The following SNX29 variants were observed in gnomAD, a reference collection of about 807,000 sequenced individuals.
The protein encoded by SNX29 is sorting nexin-29.
Under a neutral mutation model 102.1 loss-of-function variants are expected in SNX29, and 78 were observed. The observed-to-expected ratio is 0.76, with a 90% CI of 0.64 to 0.92. The LOEUF is 0.92. SNX29 is among the 40% of genes least tolerant of loss of function. The pLI is 0.00. For synonymous variants in SNX29, 580 were observed against 414.5 expected, an observed-to-expected ratio of 1.40 and a Z score of -4.85; for missense variants, 1,280 against 1,061.7, an observed-to-expected ratio of 1.21 and a Z score of -2.86.
chr16:12,539,729 A>G (rs750765371), intron 20 of SNX29, among the ~76,000 whole-genome samples: 3 of 152,246 alleles, frequency 2.0e-5, no homozygotes, highest in African/African-American at 7.2e-5. Context: ...GTGGCTGTTC[A>G]CAAGGATGCA....
At chr16:11,982,424 T>G (rs2055439704) in intron 1 of SNX29, among the ~76,000 whole-genome samples, 1 of 6,188 alleles carries the variant, frequency 1.6e-4, no homozygotes, top group African/African-American at 2.1e-4. Flanking sequence ...TTTCCATCAG[T>G]TTTTTTTTTT....
In SNX29 at chr16:12,572,560, C is replaced by G. The variant is rs143993911; in HGVS notation, c.*3931C>G. 9.4e-6 allele frequency: 10 copies of G among 1,063,812 alleles called. No homozygotes were observed. The highest frequency in any genetic ancestry group is 1.1e-4 in the Admixed American group (2 of 18,716). The allele number at this position is 1,063,812 out of a possible 1,614,324, so 65.9% of individuals were successfully genotyped here. A position where few individuals can be genotyped will look rare whatever the true frequency, so the allele number is the denominator to read the frequency against. On this transcript the variant is annotated 3_prime_UTR_variant, in exon 21 of 21. Transcript: ENST00000566228. ...GGCTGCGACACCATCTGGCTCCTCA[C>G]AGGGAGGTCCAGCCATGTTCTCTGG...
chr16:12,570,156 G>A lies in SNX29; in HGVS notation c.*1527G>A, dbSNP rs1474983794. ...GGAAGGCTGAGATCACTCACACACAGCGCCCCCCCACCCCAGAGAAACCGA... is the reference window on the plus strand; with the variant it reads ...GGAAGGCTGAGATCACTCACACACAACGCCCCCCCACCCCAGAGAAACCGA... On this transcript the variant is annotated 3_prime_UTR_variant, in exon 21 of 21. Transcript: ENST00000566228. 8.5e-6 allele frequency: 9 copies of A among 1,064,698 alleles called. No individual in the cohort carries two copies. In the Admixed American group the frequency reaches 3.7e-4, roughly 44 times the overall value. The allele number at this position is 1,064,698 out of a possible 1,614,324, so 66.0% of individuals were successfully genotyped here.
At chr16:12,358,907 T>TCC (rs2082222680) in intron 16 of SNX29, among the ~76,000 whole-genome samples, 1 of 152,258 alleles carries the variant, frequency 6.6e-6, no homozygotes, top group Admixed American at 6.5e-5. Flanking sequence ...CCGCACCGCT[T>TCC]CCCATACCTT....
Position 12,447,635 on chromosome 16 carries a change from C to A in SNX29, c.2038-30084C>A, listed in dbSNP as rs540529074. On this transcript the variant is annotated intron_variant, in intron 18 of 20. Transcript: ENST00000566228. ...TGCTGTGAGACCCGAATGGTGGAAA[C>A]CAGTTGGCTGAGGGGACTAATTGGA... Among the ~76,000 whole-genome samples the A allele has an allele frequency of 2.0e-5, 3 of 152,332 alleles. No individual in the cohort carries two copies. In the South Asian group the frequency reaches 6.2e-4, roughly 32 times the overall value.
At chr16:12,212,029 C>A (rs2077198459) in intron 14 of SNX29, among the ~76,000 whole-genome samples, 1 of 152,062 alleles carries the variant, frequency 6.6e-6, no homozygotes, top group Admixed American at 6.5e-5. Context: ...TAAACCCATG[C>A]TTTCCCCAGT....
intron 1 of SNX29, among the ~76,000 whole-genome samples, chr16:11,982,030 T>G (rs1439172904): frequency 6.0e-5 from 9 of 148,988 alleles, no homozygotes; most frequent in Admixed American, 5.4e-4. Context: ...CATAACGAGA[T>G]CTCATCTCAA....
intron 15 of SNX29, among the ~76,000 whole-genome samples, chr16:12,341,800 G>A (rs2081618307): frequency 6.6e-6 from 1 of 152,332 alleles, no homozygotes; most frequent in Middle Eastern, 3.4e-3. Flanking sequence ...GTGCAGAGGG[G>A]GCTGGGAAGC....
chr16:12,563,282 G>A (rs1048802369), intron 20 of SNX29, among the ~76,000 whole-genome samples: 1 of 152,102 alleles, frequency 6.6e-6, no homozygotes, highest in Non-Finnish European at 1.5e-5. Flanking sequence ...GTCGGGTTCT[G>A]GATCCACAGC....
intron 15 of SNX29, among the ~76,000 whole-genome samples, chr16:12,284,197 C>G (rs1221295245): frequency 1.3e-5 from 2 of 152,218 alleles, no homozygotes; most frequent in Non-Finnish European, 2.9e-5. Context: ...CCTTCTGCAG[C>G]CTGGTGACTT....
At chr16:12,152,377 T>C (rs1346702475) in intron 13 of SNX29, among the ~76,000 whole-genome samples, 1 of 152,226 alleles carries the variant, frequency 6.6e-6, no homozygotes, top group African/African-American at 2.4e-5. Context: ...ATTGGGAAGA[T>C]GGGACACCTG....
At chr16:12,383,772 CTTTTTTT>C (rs58531196) in intron 16 of SNX29, among the ~76,000 whole-genome samples, 45 of 105,962 alleles carry the variant, frequency 4.2e-4, no homozygotes, top group East Asian at 1.1e-3. Context: ...CGTCAACTTT[CTTTTTTT>C]TTTTTTTTTT....
chr16:12,426,974 T>G (rs1243777766), intron 18 of SNX29, among the ~76,000 whole-genome samples: 1 of 152,210 alleles, frequency 6.6e-6, no homozygotes, highest in Admixed American at 6.5e-5. Context: ...GCCAGTATTG[T>G]AGATCTAATA....
At chr16:11,977,498 C>T (rs938930658) in intron 1 of SNX29, 1 of 152,440 alleles carries the variant, frequency 6.6e-6, no homozygotes, top group African/African-American at 2.4e-5. Flanking sequence ...CCATCCTTGT[C>T]CATGTCTTAT....
Position 12,319,783 on chromosome 16 carries a change from C to A in SNX29, c.1783-36380C>A, listed in dbSNP as rs370977721. Among the ~76,000 whole-genome samples, 166 of 152,244 alleles carry A rather than the reference C, an allele frequency of 1.1e-3. 1 individual carries two copies. The highest frequency in any genetic ancestry group is 0.01 in the Middle Eastern group (3 of 294). ...GATCCACACCACAGCCCCAGGTGGT[C>A]AGTATCACTGCAGCTTTGTTAACTA... On this transcript the variant is annotated intron_variant, in intron 15 of 20. Coordinates refer to ENST00000566228, the MANE Select transcript of SNX29 (RefSeq NM_032167.5).
intron 16 of SNX29, among the ~76,000 whole-genome samples, chr16:12,372,347 G>C (rs1042832613): frequency 1.3e-5 from 2 of 152,166 alleles, no homozygotes; most frequent in Admixed American, 6.6e-5. Context: ...AGTGAGTTTT[G>C]GTAGGTACGT....
At chr16:12,482,501 C>G (rs1209149371) in intron 19 of SNX29, among the ~76,000 whole-genome samples, 1 of 152,070 alleles carries the variant, frequency 6.6e-6, no homozygotes. Context: ...AGGGTTTCAC[C>G]ATGTTCGCCA....
At chr16:12,562,124 A>T (rs899702954) in intron 20 of SNX29, among the ~76,000 whole-genome samples, 1 of 152,098 alleles carries the variant, frequency 6.6e-6, no homozygotes, top group Non-Finnish European at 1.5e-5. Flanking sequence ...CTCCTGTGTG[A>T]CCCCAAAATG....
intron 18 of SNX29, among the ~76,000 whole-genome samples, chr16:12,475,604 C>T (rs1267495129): frequency 1.3e-5 from 2 of 152,188 alleles, no homozygotes; most frequent in African/African-American, 4.8e-5. Context: ...CCTAGTCTAC[C>T]TTCAACCTGT....
Sources: allele counts gnomAD v4.1 joint callset (sites outside exome capture counted in the v4.1 genomes callset), GRCh38; gene constraint gnomAD v4.1.1; transcripts MANE v1.5; gene names NCBI Gene and HGNC (gene_info 2026-07-23, HGNC 2026-07-21).